SLC3A1: variants seen among roughly 807,000 people sequenced by gnomAD.
SLC3A1 encodes amino acid transporter heavy chain SLC3A1.
A neutral mutation model predicts 60.3 loss-of-function variants in SLC3A1; 78 were observed. The ratio of observed to expected loss-of-function variants is 1.29; its 90% CI spans 1.08 to 1.56. The LOEUF is 1.56. Ranked by LOEUF, SLC3A1 falls within the 40% of genes most tolerant of loss-of-function variation. The pLI is 0.00. For missense variants in SLC3A1, 1,172 were observed against 858.9 expected (o/e 1.36, Z -4.56); for synonymous variants, 392 against 307.9 (o/e 1.27, Z -2.86).
At position 44,320,798 on chromosome 2, in the gene SLC3A1, G is replaced by C. The variant is rs928863060; in HGVS notation, c.*159G>C. On this transcript the variant is annotated 3_prime_UTR_variant, in exon 10 of 10. Coordinates refer to ENST00000260649, the MANE Select transcript of SLC3A1 (RefSeq NM_000341.4). Reference sequence around the variant, plus strand: ...TTTAAGAAAGGTTCTCAAATGTTTTGAAAAAAATAAAATGTTTAAAAGTAA... The same window carrying C: ...TTTAAGAAAGGTTCTCAAATGTTTTCAAAAAAATAAAATGTTTAAAAGTAA... The C allele has an allele frequency of 5.9e-6, 4 of 672,828 alleles. No individual in the cohort carries two copies. Among genetic ancestry groups the C allele is most frequent in the African/African-American group, 3.6e-5 (2 of 54,960 alleles). 41.7% of individuals were successfully genotyped at this position (672,828 alleles called of 1,614,324 possible).
chr2:44,311,295 C>A (rs749362436), intron 7 of SLC3A1, among the ~76,000 whole-genome samples: 5 of 152,006 alleles, frequency 3.3e-5, no homozygotes, highest in Non-Finnish European at 5.9e-5. Context: ...ACTTTAAATT[C>A]TTCAGGCACA....
At chr2:44,307,338 C>G (rs1320850892) in intron 7 of SLC3A1, among the ~76,000 whole-genome samples, 3 of 152,158 alleles carry the variant, frequency 2.0e-5, no homozygotes, top group African/African-American at 7.2e-5. Context: ...TTTCAATTCT[C>G]TCTGATATAT....
chr2:44,279,601 T>C (rs58122551), intron 1 of SLC3A1, among the ~76,000 whole-genome samples: 8,695 of 152,046 alleles, frequency 0.057, 823 homozygotes, highest in African/African-American at 0.2. Context: ...ACATAAGAAA[T>C]TGTAAATTTT....
At chr2:44,296,797 G>T (rs1671860899) in intron 4 of SLC3A1, among the ~76,000 whole-genome samples, 1 of 152,162 alleles carries the variant, frequency 6.6e-6, no homozygotes, top group African/African-American at 2.4e-5. Context: ...CCCATGTGTT[G>T]TGGGGTGGAG....
chr2:44,303,844 C>A (rs1002509649), intron 6 of SLC3A1: 15 of 546,228 alleles, frequency 2.7e-5, no homozygotes, highest in African/African-American at 2.3e-4. Context: ...GGTTTTCTGT[C>A]CTTGTGATAG....
At chr2:44,316,435 C>G (rs778417977) in intron 9 of SLC3A1, 1 of 151,662 alleles carries the variant, frequency 6.6e-6, no homozygotes, top group Non-Finnish European at 1.5e-5. Context: ...AGGGGCTTGT[C>G]CAGAACGTAC....
intron 9 of SLC3A1, chr2:44,314,778 AAT>A (rs3074480): frequency 0.62 from 93,442 of 151,760 alleles, 29,304 homozygotes; most frequent in Non-Finnish European, 0.67. Flanking sequence ...GAAGACACAA[AAT>A]ATATATGGGT....
In SLC3A1 at chr2:44,286,034, A is replaced by T. The variant is rs149252863; in HGVS notation, c.768A>T (p.Leu256Phe). Residue 256 changes from leucine (L) to phenylalanine (F), a missense_variant and splice_region_variant, in exon 4 of 10, where the codon TTA (leucine) becomes TTT (phenylalanine). Coordinates refer to ENST00000260649, the MANE Select transcript of SLC3A1 (RefSeq NM_000341.4). ...NGKTIPPNNW[L>F]SVYGNSSWHF... Reference sequence around the variant, plus strand: ...GTGCTGTTTTCTTTGTTTGCCAGTTAAGTGTGTATGGAAACTCCAGTTGGC... The same window carrying T: ...GTGCTGTTTTCTTTGTTTGCCAGTTTAGTGTGTATGGAAACTCCAGTTGGC... 4 of 1,614,124 alleles carry T rather than the reference A, an allele frequency of 2.5e-6. No individual in the cohort carries two copies. Among genetic ancestry groups the T allele is most frequent in the African/African-American group, 2.7e-5 (2 of 75,034 alleles).
rs143921648 is a variant in SLC3A1, at chr2:44,296,913, G to T, written c.892-3058G>T. Among the ~76,000 whole-genome samples, 5 of 152,170 alleles carry T rather than the reference G, an allele frequency of 3.3e-5. No homozygotes were observed. In the East Asian group the frequency reaches 9.7e-4, roughly 29 times the overall value. ...GGAGTTCTTCTGCACAAACTCTCTC[G>T]CCTGCTGTCATGTAAGATGTGACTT... is the stretch of plus-strand genomic sequence containing the variant. On this transcript the variant is annotated intron_variant, in intron 4 of 9. Coordinates refer to ENST00000260649, the MANE Select transcript of SLC3A1 (RefSeq NM_000341.4).
chr2:44,279,613 T>C (rs1671445006), intron 1 of SLC3A1, among the ~76,000 whole-genome samples: 2 of 152,208 alleles, frequency 1.3e-5, no homozygotes, highest in African/African-American at 2.4e-5. Context: ...GTAAATTTTG[T>C]AGTAGCCACA....
At chr2:44,315,862 C>T (rs1235668145) in intron 9 of SLC3A1, among the ~76,000 whole-genome samples, 4 of 152,010 alleles carry the variant, frequency 2.6e-5, no homozygotes, top group Non-Finnish European at 2.9e-5. Flanking sequence ...GAAGCTTCTA[C>T]AAGTGCATCA....
At chr2:44,307,229 TTATC>T (rs1381305363) in intron 7 of SLC3A1, among the ~76,000 whole-genome samples, 1 of 152,238 alleles carries the variant, frequency 6.6e-6, no homozygotes, top group Non-Finnish European at 1.5e-5. Flanking sequence ...CCCATTTTGT[TTATC>T]TGATCATGAA....
intron 2 of SLC3A1, 75 bp downstream of exon 2, chr2:44,280,970 A>G (rs1671483788): frequency 7.8e-7 from 1 of 1,284,980 alleles, no homozygotes. Flanking sequence ...TACTTAAAGC[A>G]TTTCTTCTCC....
intron 1 of SLC3A1, among the ~76,000 whole-genome samples, chr2:44,277,255 G>A (rs1305878097): frequency 2.0e-5 from 3 of 151,784 alleles, no homozygotes; most frequent in Non-Finnish European, 2.9e-5. Context: ...TTACAGGCAT[G>A]CACCATCATG....
At chr2:44,300,833 TAAC>T (rs1671984595) in intron 5 of SLC3A1, among the ~76,000 whole-genome samples, 167 bp from the exon 6 acceptor site, 1 of 152,212 alleles carries the variant, frequency 6.6e-6, no homozygotes, top group Non-Finnish European at 1.5e-5. Context: ...TTTATAAAGT[TAAC>T]AACTTGAGCA....
intron 4 of SLC3A1, 66 bp from the exon 5 acceptor site, chr2:44,299,905 C>A: frequency 6.4e-7 from 1 of 1,563,248 alleles, no homozygotes; most frequent in Non-Finnish European, 8.8e-7. Context: ...ACAGTCAAAA[C>A]TTTGATTAAA....
At chr2:44,321,502 G>A (rs1672940402), downstream of SLC3A1, 1 of 1,579,026 alleles carries the variant, frequency 6.3e-7, no homozygotes, top group Non-Finnish European at 8.6e-7. Context: ...AAATGCCACT[G>A]TTTAAGCTTC....
chr2:44,280,600 T>C (rs1414809498), intron 1 of SLC3A1, 116 bp from the exon 2 acceptor site: 30 of 737,658 alleles, frequency 4.1e-5, no homozygotes, highest in Non-Finnish European at 6.7e-5. Flanking sequence ...TTCAACAAAA[T>C]TCTAAGTATT....
chr2:44,280,937 A>G (rs1333634906), intron 2 of SLC3A1, 42 bp downstream of exon 2: 1 of 1,539,668 alleles, frequency 6.5e-7, no homozygotes, highest in East Asian at 2.2e-5. Flanking sequence ...ATGAGGTTTG[A>G]GAGAAGCACT....
Sources: gnomAD v4.1 joint callset for allele counts (sites outside exome capture counted in the v4.1 genomes callset) on GRCh38, gnomAD v4.1.1 for gene constraint, MANE v1.5 for transcripts, NCBI Gene and HGNC (gene_info 2026-07-23, HGNC 2026-07-21) for gene names.